The following SPMIP2 variants were observed in gnomAD, a reference collection of about 807,000 sequenced individuals.
SPMIP2 encodes protein SPMIP2.
the SPMIP2 span, among the ~76,000 whole-genome samples, chr4:158,978,870 C>A: frequency 1.1e-4 from 17 of 152,118 alleles, no homozygotes; most frequent in East Asian, 3.3e-3. Flanking sequence ...ACTCTTCATC[C>A]AATTTTGCCA....
chr4:158,915,462 G>T, the SPMIP2 span: 9 of 1,053,838 alleles, frequency 8.5e-6, no homozygotes, highest in Non-Finnish European at 1.2e-5. Context: ...AATTTAAGGT[G>T]ATTCTAGCCA....
chr4:158,899,144 T>TTACC, the SPMIP2 span, among the ~76,000 whole-genome samples: 1 of 152,188 alleles, frequency 6.6e-6, no homozygotes, highest in Admixed American at 6.5e-5. Context: ...ATGCGATGGA[T>TTACC]TACCTTTATT....
the SPMIP2 span, among the ~76,000 whole-genome samples, chr4:159,079,327 C>T: frequency 3.3e-5 from 5 of 152,100 alleles, no homozygotes; most frequent in Non-Finnish European, 7.4e-5. Context: ...CTCCAGAGAG[C>T]TTCCTTGCCC....
At chr4:158,897,443 T>C in the SPMIP2 span, among the ~76,000 whole-genome samples, 1 of 152,226 alleles carries the variant, frequency 6.6e-6, no homozygotes, top group African/African-American at 2.4e-5. Context: ...ATTGAACTAA[T>C]TTAGACTCCC....
chr4:158,929,841 T>TC, the SPMIP2 span, among the ~76,000 whole-genome samples: 1 of 152,242 alleles, frequency 6.6e-6, no homozygotes, highest in African/African-American at 2.4e-5. Context: ...ATATTAATAC[T>TC]GACTTTATAA....
chr4:159,038,278 C>A, the SPMIP2 span, among the ~76,000 whole-genome samples: 28 of 152,244 alleles, frequency 1.8e-4, no homozygotes, highest in Admixed American at 7.2e-4. Flanking sequence ...CCTGAGAATG[C>A]CGATTTTTAT....
At chr4:158,966,786 G>A in the SPMIP2 span, among the ~76,000 whole-genome samples, 2 of 152,040 alleles carry the variant, frequency 1.3e-5, no homozygotes, top group African/African-American at 4.8e-5. Flanking sequence ...ACATTACTTT[G>A]GGTCCTTTTT....
chr4:158,899,350 A>C, the SPMIP2 span, among the ~76,000 whole-genome samples: 1 of 152,222 alleles, frequency 6.6e-6, no homozygotes, highest in African/African-American at 2.4e-5. Context: ...TTTCAGGATG[A>C]TGCTGGCCTG....
the SPMIP2 span, chr4:158,960,412 A>AACAC: frequency 1.1e-6 from 1 of 887,200 alleles, no homozygotes; most frequent in Non-Finnish European, 1.8e-6. Context: ...AAGTATCCAT[A>AACAC]TTTCTAGTCA....
the SPMIP2 span, among the ~76,000 whole-genome samples, chr4:158,970,599 A>G: frequency 1.6e-4 from 24 of 152,082 alleles, no homozygotes; most frequent in African/African-American, 4.8e-4. Flanking sequence ...AGAGAGCAGT[A>G]TGCCTTAGAT....
chr4:158,960,200 T>C, the SPMIP2 span: 59,940 of 785,312 alleles, frequency 0.076, 3,048 homozygotes, highest in South Asian at 0.16. Flanking sequence ...AGTGTTAATA[T>C]ACTTAAAAGT....
chr4:159,019,941 G>A, the SPMIP2 span, among the ~76,000 whole-genome samples: 661 of 152,114 alleles, frequency 4.3e-3, 3 homozygotes, highest in Non-Finnish European at 7.3e-3. Context: ...GGCCGGGCAC[G>A]GTGGCTCACA....
At chr4:159,077,601 A>T in the SPMIP2 span, among the ~76,000 whole-genome samples, 8 of 152,222 alleles carry the variant, frequency 5.3e-5, no homozygotes, top group Admixed American at 1.3e-4. Context: ...ACCCAGCTGT[A>T]TTAGAAATGT....
chr4:158,944,785 T>C, the SPMIP2 span, among the ~76,000 whole-genome samples: 4 of 152,166 alleles, frequency 2.6e-5, no homozygotes, highest in Admixed American at 6.5e-5. Context: ...GTCCTGATAA[T>C]TTTTCTCCTT....
chr4:159,011,754 CAA>C, the SPMIP2 span, among the ~76,000 whole-genome samples: 1,814 of 146,096 alleles, frequency 0.012, 30 homozygotes, highest in African/African-American at 0.043. Flanking sequence ...AACTCCATCC[CAA>C]AAAAAAAAAA....
chr4:159,049,179 G>A, the SPMIP2 span, among the ~76,000 whole-genome samples: 3 of 152,244 alleles, frequency 2.0e-5, no homozygotes, highest in African/African-American at 4.8e-5. Flanking sequence ...ACATTTCAGT[G>A]GATTCTATCT....
the SPMIP2 span, chr4:159,007,445 G>A: frequency 1.5e-6 from 1 of 678,272 alleles, no homozygotes; most frequent in Non-Finnish European, 2.8e-6. Flanking sequence ...GGTTAAGCCA[G>A]GAGTCTGTAG....
the SPMIP2 span, among the ~76,000 whole-genome samples, chr4:158,918,071 T>G: frequency 3.4e-4 from 51 of 152,172 alleles, 1 homozygote. Context: ...AGCTCAGCAG[T>G]CTCTCTTTCT....
At chr4:159,078,264 A>G in the SPMIP2 span, among the ~76,000 whole-genome samples, 1 of 152,234 alleles carries the variant, frequency 6.6e-6, no homozygotes, top group African/African-American at 2.4e-5. Flanking sequence ...GAGATCCAGA[A>G]CAGTGCCTGG....
Sources: gnomAD v4.1 joint callset for allele counts (sites outside exome capture counted in the v4.1 genomes callset) on GRCh38, gnomAD v4.1.1 for gene constraint, MANE v1.5 for transcripts, NCBI Gene and HGNC (gene_info 2026-07-23, HGNC 2026-07-21) for gene names.